Variants in FSTL5 observed in about 807,000 individuals in gnomAD.
FSTL5 encodes follistatin-related protein 5.
FSTL5 carries 62 observed loss-of-function variants against 89.1 expected under a neutral mutation model. That is an observed-to-expected ratio of 0.70 (90% confidence interval 0.57 to 0.86). The LOEUF is 0.86. FSTL5 is among the 40% of genes least tolerant of loss of function. The pLI is 0.00. For synonymous variants in FSTL5, 383 were observed against 346.2 expected, an observed-to-expected ratio of 1.11 and a Z score of -1.18; for missense variants, 1,057 against 1,001.6, an observed-to-expected ratio of 1.06 and a Z score of -0.75.
In FSTL5 at chr4:161,948,673, C is replaced by G. The variant is rs750774860; in HGVS notation, c.161-28021G>C. Among the ~76,000 whole-genome samples, 95 of 151,714 alleles carry G rather than the reference C, an allele frequency of 6.3e-4. 1 individual carries two copies. Among genetic ancestry groups the G allele is most frequent in the Non-Finnish European group, 1.9e-4 (13 of 67,922 alleles). Reference sequence around the variant, plus strand: ...ATGTTGTCCAGGCTGGTTTTGAACTCCTGACCTCAGGTGATCCGCCCGCCT... The same window carrying G: ...ATGTTGTCCAGGCTGGTTTTGAACTGCTGACCTCAGGTGATCCGCCCGCCT... On this transcript the variant is annotated intron_variant, in intron 3 of 15. Coordinates refer to ENST00000306100, the MANE Select transcript of FSTL5 (RefSeq NM_020116.5).
chr4:162,100,053 G>T (rs1009581057), intron 2 of FSTL5, among the ~76,000 whole-genome samples: 2 of 152,146 alleles, frequency 1.3e-5, no homozygotes, highest in Non-Finnish European at 2.9e-5. Context: ...ATGATCCAGC[G>T]ATCATGCTCC....
intron 1 of FSTL5, among the ~76,000 whole-genome samples, chr4:162,142,833 T>C (rs940691140): frequency 6.6e-6 from 1 of 152,202 alleles, no homozygotes; most frequent in Non-Finnish European, 1.5e-5. Flanking sequence ...AGTCAAATTA[T>C]TTAGTCTTTC....
intron 3 of FSTL5, among the ~76,000 whole-genome samples, chr4:161,966,212 A>C (rs912423342): frequency 6.6e-6 from 1 of 152,108 alleles, no homozygotes; most frequent in African/African-American, 2.4e-5. Flanking sequence ...GTGGAACCTA[A>C]ATTTCAGTTC....
chr4:161,779,397 T>TA (rs1741539573), intron 4 of FSTL5, among the ~76,000 whole-genome samples: 1 of 152,114 alleles, frequency 6.6e-6, no homozygotes, highest in Non-Finnish European at 1.5e-5. Context: ...TAGTTATAAA[T>TA]ATGTGTATGT....
At chr4:161,950,449 C>T (rs1734861009) in intron 3 of FSTL5, among the ~76,000 whole-genome samples, 2 of 152,216 alleles carry the variant, frequency 1.3e-5, no homozygotes, top group South Asian at 4.1e-4. Flanking sequence ...AGGAAAATTC[C>T]TCTCGACCTT....
chr4:161,623,924 A>C (rs1408434273), intron 7 of FSTL5, among the ~76,000 whole-genome samples: 2 of 151,992 alleles, frequency 1.3e-5, no homozygotes, highest in African/African-American at 4.8e-5. Flanking sequence ...TAATTTATTA[A>C]TTCTTTTTAA....
chr4:161,701,410 T>C (rs1579032629), intron 6 of FSTL5, among the ~76,000 whole-genome samples: 1 of 152,050 alleles, frequency 6.6e-6, no homozygotes, highest in Admixed American at 6.6e-5. Context: ...TTAGAAAAAA[T>C]AGTAGATATA....
chr4:161,915,952 T>C (rs1384958435), intron 4 of FSTL5, among the ~76,000 whole-genome samples: 3 of 152,022 alleles, frequency 2.0e-5, no homozygotes, highest in African/African-American at 7.2e-5. Flanking sequence ...TACTAATATA[T>C]TTTAAAATAT....
Position 161,716,641 on chromosome 4 carries a change from C to T in FSTL5, c.727+42770G>A, listed in dbSNP as rs573930515. Among the ~76,000 whole-genome samples the T allele has an allele frequency of 3.3e-5, 5 of 152,110 alleles. No homozygotes were observed. In the South Asian group the frequency reaches 8.3e-4, roughly 25 times the overall value. On this transcript the variant is annotated intron_variant, in intron 6 of 15. Coordinates refer to ENST00000306100, the MANE Select transcript of FSTL5 (RefSeq NM_020116.5). ...TAAAATAAAATAAAATAGCACCTTC[C>T]ATCACTCTCAAATGCCTTACTTTAT...
At chr4:161,622,942 T>C (rs1260478832) in intron 7 of FSTL5, among the ~76,000 whole-genome samples, 3 of 152,048 alleles carry the variant, frequency 2.0e-5, no homozygotes, top group African/African-American at 7.2e-5. Flanking sequence ...GGAACAGACG[T>C]GAGGCTTTCT....
At chr4:161,887,418 TCTATCTATCATCTATCTAC>T (rs1461619071) in intron 4 of FSTL5, among the ~76,000 whole-genome samples, 7 of 39,796 alleles carry the variant, frequency 1.8e-4, no homozygotes, top group Non-Finnish European at 6.0e-5. Context: ...TATCTATCTA[TCTATCTATCATCTATCTAC>T]CTATCATCTA....
intron 3 of FSTL5, among the ~76,000 whole-genome samples, chr4:162,023,593 CTT>C (rs1457378449): frequency 6.6e-6 from 1 of 152,114 alleles, no homozygotes; most frequent in African/African-American, 2.4e-5. Flanking sequence ...CCTAGTTGCT[CTT>C]AGTTCTAGAA....
intron 2 of FSTL5, among the ~76,000 whole-genome samples, chr4:162,088,229 AT>A (rs11350936): frequency 0.91 from 137,420 of 151,682 alleles, 62,761 homozygotes; most frequent in Non-Finnish European, 0.97. Context: ...ATAATATATA[AT>A]TTTTTTAAAT....
chr4:161,893,259 C>T (rs1733045287), intron 4 of FSTL5, among the ~76,000 whole-genome samples: 1 of 152,028 alleles, frequency 6.6e-6, no homozygotes, highest in Admixed American at 6.6e-5. Flanking sequence ...GGACCTTTAT[C>T]AAAGAGAAGC....
At chr4:161,511,802 A>T (rs1730662878) in intron 10 of FSTL5, among the ~76,000 whole-genome samples, 1 of 152,108 alleles carries the variant, frequency 6.6e-6, no homozygotes, top group Non-Finnish European at 1.5e-5. Context: ...CAAATTTCAA[A>T]TTCAGCAAAT....
intron 13 of FSTL5, among the ~76,000 whole-genome samples, chr4:161,471,415 T>G (rs535331887): frequency 6.6e-6 from 1 of 152,326 alleles, no homozygotes; most frequent in Admixed American, 6.5e-5. Flanking sequence ...TACTTGGTCA[T>G]GGGTATGATG....
At chr4:161,977,632 AAAAAAAAAATAAT>A (rs1735695697) in intron 3 of FSTL5, among the ~76,000 whole-genome samples, 1 of 114,256 alleles carries the variant, frequency 8.8e-6, no homozygotes, top group Admixed American at 9.3e-5. Flanking sequence ...AAAAAAAAAA[AAAAAAAAAATAAT>A]AATAATAATA....
At chr4:161,807,076 G>A (rs1388680321) in intron 4 of FSTL5, among the ~76,000 whole-genome samples, 2 of 150,122 alleles carry the variant, frequency 1.3e-5, no homozygotes, top group African/African-American at 4.9e-5. Flanking sequence ...TACAATAAGA[G>A]GTACTCTAAA....
At chr4:161,980,447 G>A (rs2111046032) in intron 3 of FSTL5, among the ~76,000 whole-genome samples, 1 of 152,136 alleles carries the variant, frequency 6.6e-6, no homozygotes, top group African/African-American at 2.4e-5. Flanking sequence ...ATGTTCTTTT[G>A]TTTCCCTTAT....
Sources: allele counts gnomAD v4.1 joint callset (sites outside exome capture counted in the v4.1 genomes callset), GRCh38; gene constraint gnomAD v4.1.1; transcripts MANE v1.5; gene names NCBI Gene and HGNC (gene_info 2026-07-23, HGNC 2026-07-21).